ZBTB11: variants seen among roughly 807,000 people sequenced by gnomAD.
ZBTB11 encodes zinc finger and BTB domain containing 11, also known as zinc finger and BTB domain-containing protein 11.
In ZBTB11, 68 loss-of-function variants were observed where a neutral mutation model predicts 113.1. The observed-to-expected ratio is 0.60, with a 90% CI of 0.49 to 0.74. The LOEUF (loss-of-function observed/expected upper bound fraction) is 0.74. ZBTB11 is among the 30% of genes least tolerant of loss of function. ZBTB11 has a pLI of 0.00. For missense variants in ZBTB11, 1,104 were observed against 1,279.4 expected (o/e 0.86, Z 2.09); for synonymous variants, 518 against 452.6 (o/e 1.14, Z -1.83).
chr3:101,654,338 T>C (rs1936756424), intron 8 of ZBTB11, among the ~76,000 whole-genome samples: 1 of 151,990 alleles, frequency 6.6e-6, no homozygotes, highest in African/African-American at 2.4e-5. Context: ...GTTGTGCCTG[T>C]CCCGATTAAT....
intron 5 of ZBTB11, chr3:101,662,308 C>T (rs1288393411): frequency 6.6e-6 from 1 of 152,218 alleles, no homozygotes; most frequent in Non-Finnish European, 1.5e-5. Context: ...GGCCACCACG[C>T]TCAGCCTCAG....
Position 101,677,024 on chromosome 3 carries a change from C to A in ZBTB11, c.-110G>T, listed in dbSNP as rs1488179718. 3.2e-6 allele frequency: 4 copies of A among 1,257,162 alleles called. No individual in the cohort carries two copies. The highest frequency in any genetic ancestry group is 2.1e-6 in the Non-Finnish European group (2 of 936,404). 77.9% of individuals were successfully genotyped at this position (1,257,162 alleles called of 1,614,324 possible). ...GCGGCACCGTAGGGAGAAACGGCTG[C>A]GCCTTTGGCGAGCGCTCTTCGACGG... On this transcript the variant is annotated 5_prime_UTR_variant, in exon 1 of 11. Transcript: ENST00000312938.
chr3:101,654,431 GAAAC>G (rs1936759493), intron 8 of ZBTB11, among the ~76,000 whole-genome samples: 1 of 152,172 alleles, frequency 6.6e-6, no homozygotes, highest in South Asian at 2.1e-4. Flanking sequence ...GGGGGGGAAA[GAAAC>G]TGGCTGGCAG....
At chr3:101,675,119 G>A (rs1937142398) in intron 1 of ZBTB11, among the ~76,000 whole-genome samples, 1 of 152,176 alleles carries the variant, frequency 6.6e-6, no homozygotes, top group African/African-American at 2.4e-5. Flanking sequence ...TAAATGTCAA[G>A]GGCTAACGAC....
chr3:101,649,049 T>A lies in ZBTB11; in HGVS notation c.*2117A>T, dbSNP rs1188871467. 1 of 152,332 alleles carries A rather than the reference T, an allele frequency of 6.6e-6. No homozygotes were observed. Among genetic ancestry groups the A allele is most frequent in the Non-Finnish European group, 1.5e-5 (1 of 68,134 alleles). 9.4% of individuals were successfully genotyped at this position (152,332 alleles called of 1,614,324 possible). On this transcript the variant is annotated 3_prime_UTR_variant, in exon 11 of 11. Transcript: ENST00000312938. ...CTCCAACCGTCCCCAGCTGAACTCC[T>A]CTGGACGTTTAGATGCTCCTCTCTT...
Position 101,654,760 on chromosome 3 carries a change from G to A in ZBTB11, c.2253C>T (p.Ser751=). The change falls in exon 8 of 11, where the codon AGC becomes AGT. Residue 751 remains serine, a synonymous_variant. Transcript: ENST00000312938. ...GKSFHRGSGL[S]KHFKKHQPKP... is the part of the protein sequence containing the mutation. ...TTGGTTGGTGTTTCTTGAAGTGCTT[G>A]CTGAGTCCAGAGCCCCTATGAAAAG... 1 of 1,614,158 alleles carries A rather than the reference G, an allele frequency of 6.2e-7. No homozygotes were observed. The highest frequency in any genetic ancestry group is 8.5e-7 in the Non-Finnish European group (1 of 1,180,034).
chr3:101,660,662 T>C (rs543852567), intron 5 of ZBTB11, among the ~76,000 whole-genome samples: 23 of 152,342 alleles, frequency 1.5e-4, no homozygotes, highest in Middle Eastern at 3.4e-3. Flanking sequence ...TTTGCATTTT[T>C]ACTCCTCTAC....
Position 101,670,902 on chromosome 3 carries a change from T to C in ZBTB11, c.778+228A>G. The C allele has an allele frequency of 8.6e-6, 4 of 462,584 alleles. No homozygotes were observed. In the East Asian group the frequency reaches 1.3e-4, roughly 15 times the overall value. 28.7% of individuals were successfully genotyped at this position (462,584 alleles called of 1,614,324 possible). A position where few individuals can be genotyped will look rare whatever the true frequency, so the allele number is the denominator to read the frequency against. On this transcript the variant is annotated intron_variant, in intron 3 of 10. Transcript: ENST00000312938. Reference sequence around the variant, plus strand: ...ACAGTTTAAATCCTAGAAATTCTTTTTCTGCTATAATTGTCTCACTTAAGA... The same window carrying C: ...ACAGTTTAAATCCTAGAAATTCTTTCTCTGCTATAATTGTCTCACTTAAGA...
chr3:101,676,409 A>C, intron 1 of ZBTB11, 196 bp downstream of exon 1: 3 of 524,940 alleles, frequency 5.7e-6, no homozygotes, highest in African/African-American at 2.0e-5. Flanking sequence ...GCCCGCCCCC[A>C]GCTTCGCCGG....
rs1041370803 is a variant in ZBTB11 at position 101,677,083 on chromosome 3, G to C, written c.-169C>G. On this transcript the variant is annotated 5_prime_UTR_variant, in exon 1 of 11. Coordinates refer to ENST00000312938, the MANE Select transcript of ZBTB11 (RefSeq NM_014415.4). ...GTCCGAAGGAAAAGCGGGCGAGTTG[G>C]TAACCAGGGGGAACTGCACTTCTCC... 1.2e-5 allele frequency: 9 copies of C among 722,004 alleles called. No individual in the cohort carries two copies. The highest frequency in any genetic ancestry group is 3.6e-5 in the Admixed American group (1 of 27,962). The allele number at this position is 722,004 out of a possible 1,614,324, so 44.7% of individuals were successfully genotyped here. A position where few individuals can be genotyped will look rare whatever the true frequency, so the allele number is the denominator to read the frequency against.
At chr3:101,663,385 T>C (rs1936926225) in intron 5 of ZBTB11, among the ~76,000 whole-genome samples, 1 of 152,224 alleles carries the variant, frequency 6.6e-6, no homozygotes, top group African/African-American at 2.4e-5. Flanking sequence ...GTTGTTTTTC[T>C]TGAAATCTTT....
Position 101,665,552 on chromosome 3 carries a change from A to G in ZBTB11, c.1035T>C (p.Ala345=). 1.2e-6 allele frequency: 2 copies of G among 1,614,226 alleles called. No individual in the cohort carries two copies. Among genetic ancestry groups the G allele is most frequent in the Non-Finnish European group, 1.7e-6 (2 of 1,180,032 alleles). Residue 345 remains alanine, a synonymous_variant, in exon 4 of 11, where the codon GCT becomes GCC. Transcript: ENST00000312938. Reference sequence around the variant, plus strand: ...AACTTGTTGTGGTTCCCTCACTGCTAGCAACAGGAGGTGCTGTACCTCCAT... The same window carrying G: ...AACTTGTTGTGGTTCCCTCACTGCTGGCAACAGGAGGTGCTGTACCTCCAT... ...VQNGGTAPPV[A]SSEGTTTSLP...
chr3:101,675,397 T>C (rs1222935058), intron 1 of ZBTB11, among the ~76,000 whole-genome samples: 1 of 152,252 alleles, frequency 6.6e-6, no homozygotes, highest in African/African-American at 2.4e-5. Flanking sequence ...ACGAATAAAC[T>C]TGATGATGTT....
At chr3:101,653,878 AAG>A (rs1487035178) in intron 8 of ZBTB11, among the ~76,000 whole-genome samples, 1 of 152,108 alleles carries the variant, frequency 6.6e-6, no homozygotes, top group African/African-American at 2.4e-5. Flanking sequence ...AGAAAAGCAA[AAG>A]AGAGAGCTTC....
intron 3 of ZBTB11, among the ~76,000 whole-genome samples, chr3:101,666,621 AAT>A (rs1937000854): frequency 6.6e-6 from 1 of 152,250 alleles, no homozygotes. Flanking sequence ...GTTAATTCTT[AAT>A]ATTCACATGA....
At chr3:101,667,667 T>C (rs181837313) in intron 3 of ZBTB11, among the ~76,000 whole-genome samples, 4 of 152,194 alleles carry the variant, frequency 2.6e-5, no homozygotes, top group African/African-American at 4.8e-5. Context: ...AATTCTTTTT[T>C]TTTGTTTGTT....
At chr3:101,665,931 C>T (rs1936989540) in intron 3 of ZBTB11, 123 bp from the exon 4 acceptor site, 1 of 1,003,360 alleles carries the variant, frequency 1.0e-6, no homozygotes, top group Non-Finnish European at 1.4e-6. Flanking sequence ...ACTAATCATC[C>T]CTGGATTTGC....
chr3:101,674,649 A>G (rs1260212608), intron 1 of ZBTB11, among the ~76,000 whole-genome samples: 2 of 152,040 alleles, frequency 1.3e-5, no homozygotes, highest in African/African-American at 4.8e-5. Flanking sequence ...CAGTGAGCCG[A>G]TATCGCGCCA....
chr3:101,664,936 A>G (rs762426617), intron 4 of ZBTB11, 28 bp downstream of exon 4: 2 of 1,573,798 alleles, frequency 1.3e-6, no homozygotes, highest in East Asian at 2.2e-5. Context: ...AGCTAAAACT[A>G]CAAAGGTCAA....
Sources: allele counts gnomAD v4.1 joint callset (sites outside exome capture counted in the v4.1 genomes callset), GRCh38; gene constraint gnomAD v4.1.1; transcripts MANE v1.5; gene names NCBI Gene and HGNC (gene_info 2026-07-23, HGNC 2026-07-21).